SLC8A1: variants seen among roughly 807,000 people sequenced by gnomAD.
The protein encoded by SLC8A1 is sodium/calcium exchanger 1.
A neutral mutation model predicts 68.3 loss-of-function variants in SLC8A1; 18 were observed. The observed-to-expected ratio is 0.26, with a 90% CI of 0.18 to 0.39. The LOEUF (loss-of-function observed/expected upper bound fraction) is 0.39, where lower values mean the gene tolerates loss of function less well. Among genes scored for constraint, SLC8A1 ranks in the 10% least tolerant of loss-of-function variants. The pLI, the probability that SLC8A1 is intolerant of heterozygous loss-of-function variation, is 1.00. For synonymous variants in SLC8A1, 475 were observed against 415.5 expected, an observed-to-expected ratio of 1.14 and a Z score of -1.74; for missense variants, 985 against 1,156.7, an observed-to-expected ratio of 0.85 and a Z score of 2.15.
intron 7 of SLC8A1, among the ~76,000 whole-genome samples, chr2:40,134,339 G>T (rs953770691): frequency 1.4e-4 from 21 of 152,114 alleles, no homozygotes. Context: ...TGATCTGCCT[G>T]CCTCAGCCTC....
intron 2 of SLC8A1, among the ~76,000 whole-genome samples, chr2:40,408,596 G>T (rs181362254): frequency 6.6e-6 from 1 of 152,292 alleles, no homozygotes; most frequent in East Asian, 1.9e-4. Flanking sequence ...AAATAAGAGA[G>T]TAACAAGTAG....
intron 2 of SLC8A1, among the ~76,000 whole-genome samples, chr2:40,354,768 C>T (rs1046440718): frequency 2.0e-5 from 3 of 152,170 alleles, no homozygotes; most frequent in Non-Finnish European, 4.4e-5. Flanking sequence ...AAAAAGTTCT[C>T]ACATTTGACA....
rs565129333 is a variant in SLC8A1, at chr2:40,304,023, A to T, written c.1808+124450T>A. Among the ~76,000 whole-genome samples the T allele has an allele frequency of 5.9e-5, 9 of 152,360 alleles. No homozygotes were observed. The East Asian group carries it at 1.7e-3, about 29-fold the overall frequency. On this transcript the variant is annotated intron_variant, in intron 2 of 7. Transcript: ENST00000406785. ...GACGTCATTTACCAAGATAAGCTGG[A>T]GGTCAACATCTCCTTATGAAAGGGC...
chr2:40,243,754 A>AG (rs1311724021), intron 2 of SLC8A1, among the ~76,000 whole-genome samples: 5 of 152,158 alleles, frequency 3.3e-5, no homozygotes, highest in Non-Finnish European at 7.3e-5. Flanking sequence ...CACAGTGGGA[A>AG]GGCACCAACT....
At chr2:40,454,725 C>T (rs541404270), upstream of SLC8A1, among the ~76,000 whole-genome samples, 3 of 152,134 alleles carry the variant, frequency 2.0e-5, no homozygotes, top group Non-Finnish European at 4.4e-5. Flanking sequence ...TTTCATTTCT[C>T]TTTAAAGGCA....
intron 2 of SLC8A1, among the ~76,000 whole-genome samples, chr2:40,285,129 A>G (rs1369523734): frequency 6.6e-6 from 1 of 152,060 alleles, no homozygotes; most frequent in Non-Finnish European, 1.5e-5. Flanking sequence ...TCTGGTAGCA[A>G]CTCTGTGAAT....
intron 2 of SLC8A1, among the ~76,000 whole-genome samples, chr2:40,335,825 C>A (rs1307507913): frequency 6.6e-6 from 1 of 152,184 alleles, no homozygotes; most frequent in Non-Finnish European, 1.5e-5. Context: ...AATACAGGCT[C>A]TTTGGGAACC....
intron 2 of SLC8A1, among the ~76,000 whole-genome samples, chr2:40,392,789 T>G (rs970939355): frequency 6.6e-6 from 1 of 152,128 alleles, no homozygotes; most frequent in Non-Finnish European, 1.5e-5. Context: ...GGTTATGATT[T>G]GTGGAGCAAA....
At chr2:40,406,570 G>T (rs149221411) in intron 2 of SLC8A1, among the ~76,000 whole-genome samples, 13 of 152,224 alleles carry the variant, frequency 8.5e-5, no homozygotes, top group African/African-American at 2.9e-4. Context: ...GAAGGCTAAG[G>T]GCAGACGGTA....
intron 2 of SLC8A1, among the ~76,000 whole-genome samples, chr2:40,301,098 A>G (rs558922277): frequency 8.5e-5 from 13 of 152,284 alleles, no homozygotes; most frequent in African/African-American, 2.4e-4. Context: ...TCAGCTTTGC[A>G]TCTTGATTTT....
chr2:40,169,508 T>C (rs1325139386), intron 4 of SLC8A1, among the ~76,000 whole-genome samples: 1 of 152,182 alleles, frequency 6.6e-6, no homozygotes, highest in East Asian at 1.9e-4. Context: ...TGTAATCCTC[T>C]AGTCACCCTG....
chr2:40,491,338 T>C (rs1344501553), intron 1 of SLC8A1, among the ~76,000 whole-genome samples: 1 of 152,130 alleles, frequency 6.6e-6, no homozygotes, highest in Non-Finnish European at 1.5e-5. Flanking sequence ...TGATTTTGTA[T>C]CCTGAGACTT....
At chr2:40,100,402 T>A (rs562666844) in exon 8 of SLC8A1, 1 of 152,158 alleles carries the variant, frequency 6.6e-6, no homozygotes, top group African/African-American at 2.4e-5. Flanking sequence ...AAACAAGAAA[T>A]CAACCACTAT....
chr2:40,372,748 A>G (rs1678539340), intron 2 of SLC8A1, among the ~76,000 whole-genome samples: 1 of 152,088 alleles, frequency 6.6e-6, no homozygotes, highest in East Asian at 1.9e-4. Flanking sequence ...CTTGCAGAAG[A>G]TACTTCCTCC....
chr2:40,302,592 T>C (rs1408621869), intron 2 of SLC8A1, among the ~76,000 whole-genome samples: 1 of 148,200 alleles, frequency 6.7e-6, no homozygotes, highest in Non-Finnish European at 1.5e-5. Flanking sequence ...TATATATACA[T>C]ATGTATGATA....
intron 2 of SLC8A1, among the ~76,000 whole-genome samples, chr2:40,287,582 A>ATGTGTGTGTG (rs10522914): frequency 0.011 from 1,349 of 127,536 alleles, 47 homozygotes; most frequent in East Asian, 0.083. Flanking sequence ...CAGAGGAATG[A>ATGTGTGTGTG]TGTGTGTGTG....
intron 2 of SLC8A1, among the ~76,000 whole-genome samples, chr2:40,270,902 T>C (rs1213948380): frequency 6.6e-6 from 1 of 152,158 alleles, no homozygotes; most frequent in African/African-American, 2.4e-5. Flanking sequence ...TCCAGGACCC[T>C]TGAGGGAGTT....
chr2:40,475,885 A>C (rs988054468), intron 1 of SLC8A1, among the ~76,000 whole-genome samples: 4 of 152,024 alleles, frequency 2.6e-5, no homozygotes, highest in African/African-American at 7.2e-5. Context: ...TTTTCCCCCA[A>C]AAAACATAAC....
chr2:40,461,409 G>A (rs1239728353), intron 1 of SLC8A1, among the ~76,000 whole-genome samples: 2 of 152,092 alleles, frequency 1.3e-5, no homozygotes, highest in African/African-American at 2.4e-5. Context: ...CCCACTGCCT[G>A]TCCCCCTTGG....
Sources: gnomAD v4.1 joint callset for allele counts (sites outside exome capture counted in the v4.1 genomes callset) on GRCh38, gnomAD v4.1.1 for gene constraint, MANE v1.5 for transcripts, NCBI Gene and HGNC (gene_info 2026-07-23, HGNC 2026-07-21) for gene names.